The following VCPIP1 variants were observed in gnomAD, a reference collection of about 807,000 sequenced individuals.
The protein encoded by VCPIP1 is valosin containing protein interacting protein 1.
VCPIP1 carries 8 observed loss-of-function variants against 85.0 expected under a neutral mutation model. The observed-to-expected ratio is 0.09, with a 90% confidence interval of 0.06 to 0.17. The LOEUF (loss-of-function observed/expected upper bound fraction) is 0.17, where lower values mean the gene tolerates loss of function less well. Ranked by LOEUF, VCPIP1 falls within the 10% of genes least tolerant of loss-of-function variation. The probability of loss-of-function intolerance (pLI) is 1.00; values close to 1 mark genes in which losing one functional copy is unlikely to be tolerated. For missense variants in VCPIP1, 1,070 were observed against 1,486.3 expected (o/e 0.72, Z 4.61); for synonymous variants, 543 against 544.5 (o/e 1.00, Z 0.04).
In VCPIP1 at chr8:66,641,701, T is replaced by C. The variant is rs182477724; in HGVS notation, c.2798-6329A>G. Among the ~76,000 whole-genome samples, 51 of 152,386 alleles carry C rather than the reference T, an allele frequency of 3.3e-4. 1 individual carries two copies. The highest frequency in any genetic ancestry group is 1.2e-3 in the African/African-American group (50 of 41,590). ...TCTGGATATTTCACTATATGCTCTT[T>C]TGTGACTGGCTTCTTTCACATGGCA... On this transcript the variant is annotated intron_variant, in intron 2 of 2. Coordinates refer to ENST00000310421, the MANE Select transcript of VCPIP1 (RefSeq NM_025054.5).
chr8:66,657,921 T>C (rs1811115318), intron 1 of VCPIP1, among the ~76,000 whole-genome samples: 1 of 152,206 alleles, frequency 6.6e-6, no homozygotes, highest in African/African-American at 2.4e-5. Flanking sequence ...CCATTTACAA[T>C]ATATACATTT....
intron 1 of VCPIP1, among the ~76,000 whole-genome samples, chr8:66,655,351 T>G (rs1174650661): frequency 6.6e-6 from 1 of 152,244 alleles, no homozygotes; most frequent in Non-Finnish European, 1.5e-5. Flanking sequence ...TTGTTTTGTT[T>G]TAGGCTTTTA....
At chr8:66,639,577 A>G (rs1402621736) in intron 2 of VCPIP1, among the ~76,000 whole-genome samples, 3 of 151,848 alleles carry the variant, frequency 2.0e-5, no homozygotes, top group Non-Finnish European at 4.4e-5. Flanking sequence ...CTGCCCACCT[A>G]GGGTGGGCAA....
rs1810866591 is a variant in VCPIP1 at position 66,634,679 on chromosome 8, G to C, written c.3491C>G (p.Thr1164Ser). 3.1e-6 allele frequency: 5 copies of C among 1,614,144 alleles called. No homozygotes were observed. Among genetic ancestry groups the C allele is most frequent in the Non-Finnish European group, 4.2e-6 (5 of 1,180,030 alleles). Reference sequence around the variant, plus strand: ...TGTATTCAAATTTTCAGTACCACCAGTTAAAGGAAAAGATTCAGGCAAACC... The same window carrying C: ...TGTATTCAAATTTTCAGTACCACCACTTAAAGGAAAAGATTCAGGCAAACC... ...QTGLPESFPL[T>S]GGTENLNTET... Residue 1164 changes from threonine to serine, a missense_variant, in exon 3 of 3, where the codon ACT (threonine) becomes AGT (serine). Thr to Ser is a moderately conservative substitution (Grantham distance 58). This residue lies in a region of VCPIP1 where 255 missense variants were observed against 289.5 expected (regional missense o/e 0.88). Transcript: ENST00000310421.
rs923572202 is a variant in VCPIP1, at chr8:66,633,920, T to C, written c.*581A>G. 2 of 152,194 alleles carry C rather than the reference T, an allele frequency of 1.3e-5. No individual in the cohort carries two copies. Among genetic ancestry groups the C allele is most frequent in the African/African-American group, 4.8e-5 (2 of 41,446 alleles). 9.4% of individuals were successfully genotyped at this position (152,194 alleles called of 1,614,324 possible). A position where few individuals can be genotyped will look rare whatever the true frequency, so the allele number is the denominator to read the frequency against. On this transcript the variant is annotated 3_prime_UTR_variant, in exon 3 of 3. Transcript: ENST00000310421. ...CCCAATCTTGCACAAATCAGCAAAA[T>C]GTTATATCGTTACATTCTATTCTCA...
chr8:66,629,693 C>G lies in VCPIP1; in HGVS notation c.*4808G>C, dbSNP rs1810814579. On this transcript the variant is annotated 3_prime_UTR_variant, in exon 3 of 3. Coordinates refer to ENST00000310421, the MANE Select transcript of VCPIP1 (RefSeq NM_025054.5). ...CAAAACCCTATCTCTACAAAAAATA[C>G]AAAAATTAGCCAGGTGTGGTGGCAC... 6.6e-6 allele frequency: 1 copy of G among 152,344 alleles called. No homozygotes were observed. 9.4% of individuals were successfully genotyped at this position (152,344 alleles called of 1,614,324 possible).
Position 66,632,418 on chromosome 8 carries a change from G to A in VCPIP1, c.*2083C>T, listed in dbSNP as rs1045979749. ...TTACTGTACTATTCATACCTAACTGGCTTTTAAATAGCATTGCTGTAGCTA... is the reference window on the plus strand; with the variant it reads ...TTACTGTACTATTCATACCTAACTGACTTTTAAATAGCATTGCTGTAGCTA... On this transcript the variant is annotated 3_prime_UTR_variant, in exon 3 of 3. Transcript: ENST00000310421. The A allele has an allele frequency of 7.9e-5, 12 of 152,010 alleles. No homozygotes were observed. Among genetic ancestry groups the A allele is most frequent in the African/African-American group, 2.9e-4 (12 of 41,422 alleles). 9.4% of individuals were successfully genotyped at this position (152,010 alleles called of 1,614,324 possible).
rs1351807035 is a variant in VCPIP1, at chr8:66,631,126, A to G, written c.*3375T>C. Reference sequence around the variant, plus strand: ...TTTGCAAAGGCTTTGTGTTTATAAAAATCTTAAGATGGAAACCTTGCTTTG... The same window carrying G: ...TTTGCAAAGGCTTTGTGTTTATAAAGATCTTAAGATGGAAACCTTGCTTTG... On this transcript the variant is annotated 3_prime_UTR_variant, in exon 3 of 3. Coordinates refer to ENST00000310421, the MANE Select transcript of VCPIP1 (RefSeq NM_025054.5). 2 of 152,146 alleles carry G rather than the reference A, an allele frequency of 1.3e-5. No homozygotes were observed. The highest frequency in any genetic ancestry group is 2.9e-5 in the Non-Finnish European group (2 of 67,980). 9.4% of individuals were successfully genotyped at this position (152,146 alleles called of 1,614,324 possible). A position where few individuals can be genotyped will look rare whatever the true frequency, so the allele number is the denominator to read the frequency against.
rs760895776 is a variant in VCPIP1, at chr8:66,666,520, T to G, written c.439A>C (p.Lys147Gln). Reference protein sequence around the residue: ...YGMDKQTGRAKLLRDMNQGEL... With the variant: ...YGMDKQTGRAQLLRDMNQGEL... ...CCCTGGTTCATGTCCCGGAGAAGCT[T>G]GGCCCGGCCTGTCTGTTTGTCCATT... Residue 147 changes from lysine to glutamine, a missense_variant, in exon 1 of 3, where the codon AAG becomes CAG. Coordinates refer to ENST00000310421, the MANE Select transcript of VCPIP1 (RefSeq NM_025054.5). The surrounding 1 kb of genome is among the most constrained non-coding windows in gnomAD (Gnocchi z 6.3). 1 of 1,614,186 alleles carries G rather than the reference T, an allele frequency of 6.2e-7. No homozygotes were observed. The highest frequency in any genetic ancestry group is 8.5e-7 in the Non-Finnish European group (1 of 1,180,034).
chr8:66,661,300 G>T (rs943842055), intron 1 of VCPIP1, among the ~76,000 whole-genome samples: 1 of 152,140 alleles, frequency 6.6e-6, no homozygotes, highest in Non-Finnish European at 1.5e-5. Flanking sequence ...AGAGGGAAGG[G>T]ATCAGAATAG....
In VCPIP1 at chr8:66,667,068, T is replaced by A. The variant is rs1811226559; in HGVS notation, c.-110A>T. ...CAGTCCAGGCCCAGGGCGAAGCACT[T>A]TCCTTTCCCTACCAGCTCTTCCTCC... On this transcript the variant is annotated 5_prime_UTR_variant, in exon 1 of 3. Coordinates refer to ENST00000310421, the MANE Select transcript of VCPIP1 (RefSeq NM_025054.5). The A allele has an allele frequency of 7.1e-7, 1 of 1,404,354 alleles. No individual in the cohort carries two copies. Among genetic ancestry groups the A allele is most frequent in the Non-Finnish European group, 9.2e-7 (1 of 1,082,700 alleles). 87.0% of individuals were successfully genotyped at this position (1,404,354 alleles called of 1,614,324 possible).
chr8:66,662,442 ACCAT>A (rs147134599), intron 1 of VCPIP1, among the ~76,000 whole-genome samples: 1 of 152,278 alleles, frequency 6.6e-6, no homozygotes, highest in African/African-American at 2.4e-5. Context: ...GTGCTGACTG[ACCAT>A]CCATTCCATT....
intron 2 of VCPIP1, among the ~76,000 whole-genome samples, chr8:66,645,255 T>A (rs945773657): frequency 6.6e-6 from 1 of 151,572 alleles, no homozygotes; most frequent in African/African-American, 2.4e-5. Flanking sequence ...CCGTCTCTAC[T>A]AAAAATAAAA....
chr8:66,652,322 T>C lies in VCPIP1; in HGVS notation c.2711-778A>G, dbSNP rs530941227. 9.8e-5 allele frequency among the ~76,000 whole-genome samples: 15 copies of C among 152,298 alleles called. No individual in the cohort carries two copies. In the South Asian group the frequency reaches 3.1e-3, roughly 32 times the overall value. On this transcript the variant is annotated intron_variant, in intron 1 of 2. Coordinates refer to ENST00000310421, the MANE Select transcript of VCPIP1 (RefSeq NM_025054.5). ...GAACAGATAAGATTATTGAAAGATA[T>C]TTTTGGGCCAGGCATGGTGGCTCAC...
chr8:66,641,206 C>T (rs1196835610), intron 2 of VCPIP1, among the ~76,000 whole-genome samples: 1 of 152,180 alleles, frequency 6.6e-6, no homozygotes, highest in African/African-American at 2.4e-5. Flanking sequence ...ACAAGCCCCT[C>T]GGGGGTCAAG....
intron 2 of VCPIP1, among the ~76,000 whole-genome samples, chr8:66,644,313 C>T (rs568649640): frequency 1.3e-5 from 2 of 152,162 alleles, no homozygotes; most frequent in South Asian, 2.1e-4. Context: ...CCTTCCTGAA[C>T]ACAATCACAA....
Position 66,664,576 on chromosome 8 carries a change from T to C in VCPIP1, c.2383A>G (p.Thr795Ala). Residue 795 changes from threonine (T) to alanine (A), a missense_variant, in exon 1 of 3, where the codon ACA (threonine) becomes GCA (alanine). This residue lies in a region of VCPIP1 where 278 missense variants were observed against 298.5 expected (regional missense o/e 0.93). Coordinates refer to ENST00000310421, the MANE Select transcript of VCPIP1 (RefSeq NM_025054.5). ...CTTTCCTGAAGTTCAAAAAAGGTTG[T>C]TGAAGACTTAAGGGTAACCATGGAC... ...RQSMVTLKSS[T>A]TFFELQESIA... 1.2e-6 allele frequency: 2 copies of C among 1,614,246 alleles called. No individual in the cohort carries two copies. Among genetic ancestry groups the C allele is most frequent in the Non-Finnish European group, 1.7e-6 (2 of 1,180,044 alleles).
Position 66,664,546 on chromosome 8 carries a change from C to G in VCPIP1, c.2413G>C (p.Ala805Pro). 6.2e-7 allele frequency: 1 copy of G among 1,614,148 alleles called. No homozygotes were observed. The highest frequency in any genetic ancestry group is 8.5e-7 in the Non-Finnish European group (1 of 1,180,038). ...TATGGAGGAATGTTGAATTCTCTGG[C>G]TATACTTTCCTGAAGTTCAAAAAAG... ...TTFFELQESI[A>P]REFNIPPYLQ... The change falls in exon 1 of 3, where the codon GCC (alanine) becomes CCC (proline). Residue 805 changes from alanine to proline, a missense_variant. This residue lies in a region of VCPIP1 where 278 missense variants were observed against 298.5 expected (regional missense o/e 0.93). Coordinates refer to ENST00000310421, the MANE Select transcript of VCPIP1 (RefSeq NM_025054.5).
At chr8:66,658,229 G>A (rs1277265331) in intron 1 of VCPIP1, among the ~76,000 whole-genome samples, 1 of 151,732 alleles carries the variant, frequency 6.6e-6, no homozygotes, top group Non-Finnish European at 1.5e-5. Flanking sequence ...AGCTACTCGG[G>A]AGGCTGAGGC....
Sources: gnomAD v4.1 joint callset for allele counts (sites outside exome capture counted in the v4.1 genomes callset) on GRCh38, gnomAD v4.1.1 for gene constraint, gnomAD v4.1.1 regional missense constraint, Gnocchi (gnomAD v3.1) non-coding constraint, MANE v1.5 for transcripts, NCBI Gene and HGNC (gene_info 2026-07-23, HGNC 2026-07-21) for gene names.